Variants in UNC5D observed in about 807,000 individuals in gnomAD.
UNC5D encodes the protein netrin receptor UNC5D.
In UNC5D, 39 loss-of-function variants were observed where a neutral mutation model predicts 105.4. That is an observed-to-expected ratio of 0.37 (90% CI 0.29 to 0.48). UNC5D has a LOEUF of 0.48. Ranked by LOEUF, UNC5D falls within the 20% of genes least tolerant of loss-of-function variation. The pLI is 0.98. For missense variants in UNC5D, 991 were observed against 1,202.4 expected, an observed-to-expected ratio of 0.82 and a Z score of 2.60; for synonymous variants, 452 against 450.4, an observed-to-expected ratio of 1.00 and a Z score of -0.04.
intron 1 of UNC5D, among the ~76,000 whole-genome samples, chr8:35,430,387 C>T (rs996254083): frequency 3.3e-5 from 5 of 152,150 alleles, no homozygotes; most frequent in Non-Finnish European, 7.3e-5. Flanking sequence ...ATCTGTTTAT[C>T]TGTACCCTTT....
intron 1 of UNC5D, 29 bp from the exon 2 acceptor site, chr8:35,549,263 G>A: frequency 2.5e-6 from 4 of 1,609,352 alleles, no homozygotes; most frequent in Non-Finnish European, 3.4e-6. Flanking sequence ...AATGTAGGCT[G>A]TGTTCTGATG....
chr8:35,306,267 G>C (rs1482085898), intron 1 of UNC5D, among the ~76,000 whole-genome samples: 1 of 151,826 alleles, frequency 6.6e-6, no homozygotes, highest in Admixed American at 6.6e-5. Context: ...GCTTCAATAT[G>C]TTCTCACCTA....
chr8:35,621,745 A>G (rs1185305519), intron 4 of UNC5D, among the ~76,000 whole-genome samples: 1 of 152,162 alleles, frequency 6.6e-6, no homozygotes, highest in Admixed American at 6.5e-5. Context: ...CTCACCTCAG[A>G]GTAGAGAGCC....
intron 1 of UNC5D, among the ~76,000 whole-genome samples, chr8:35,376,400 G>C (rs191071083): frequency 6.6e-5 from 10 of 152,240 alleles, no homozygotes; most frequent in African/African-American, 2.4e-4. Context: ...TTTCTGAAAA[G>C]TCCCATGTGG....
chr8:35,403,790 T>A (rs1804628263), intron 1 of UNC5D, among the ~76,000 whole-genome samples: 2 of 152,198 alleles, frequency 1.3e-5, no homozygotes, highest in African/African-American at 4.8e-5. Context: ...AAAAGGGTCA[T>A]CGTCATTGTC....
intron 1 of UNC5D, among the ~76,000 whole-genome samples, chr8:35,241,985 A>G (rs1802835897): frequency 6.6e-6 from 1 of 152,174 alleles, no homozygotes; most frequent in African/African-American, 2.4e-5. Flanking sequence ...TTGATAGTTT[A>G]TTTTATAAAT....
intron 4 of UNC5D, among the ~76,000 whole-genome samples, chr8:35,667,530 C>A (rs2131260857): frequency 6.6e-6 from 1 of 152,234 alleles, no homozygotes; most frequent in African/African-American, 2.4e-5. Context: ...ACAAAGGGGC[C>A]AGGAAATGGA....
At chr8:35,329,247 A>T (rs905933465) in intron 1 of UNC5D, among the ~76,000 whole-genome samples, 5 of 152,010 alleles carry the variant, frequency 3.3e-5, no homozygotes, top group Non-Finnish European at 7.4e-5. Flanking sequence ...CCCAAGTCCT[A>T]TTTTTTACTG....
chr8:35,542,414 A>G (rs1270055323), intron 1 of UNC5D, among the ~76,000 whole-genome samples: 1 of 152,200 alleles, frequency 6.6e-6, no homozygotes, highest in Non-Finnish European at 1.5e-5. Flanking sequence ...ATTGCCGTGG[A>G]CCAATACACT....
intron 1 of UNC5D, among the ~76,000 whole-genome samples, chr8:35,293,368 A>G (rs1418732790): frequency 6.6e-6 from 1 of 152,232 alleles, no homozygotes; most frequent in East Asian, 1.9e-4. Flanking sequence ...GGTTTATAGC[A>G]TAAAAGAAGT....
chr8:35,701,762 A>ATTTTTACCT (rs1246595664), intron 7 of UNC5D, among the ~76,000 whole-genome samples: 5 of 151,958 alleles, frequency 3.3e-5, no homozygotes, highest in African/African-American at 1.2e-4. Flanking sequence ...AAAAATGATA[A>ATTTTTACCT]ATCACTGGCA....
At chr8:35,442,415 A>G (rs1029449707) in intron 1 of UNC5D, among the ~76,000 whole-genome samples, 2 of 151,934 alleles carry the variant, frequency 1.3e-5, no homozygotes, top group South Asian at 2.1e-4. Context: ...GACAAACACA[A>G]GAGTTACTCT....
At chr8:35,658,123 G>A (rs558199209) in intron 4 of UNC5D, among the ~76,000 whole-genome samples, 166 of 152,194 alleles carry the variant, frequency 1.1e-3, no homozygotes, top group Non-Finnish European at 1.9e-3. Context: ...GTTCCTCTTT[G>A]AGGTTGAAAC....
chr8:35,663,971 A>T (rs546741796), intron 4 of UNC5D, among the ~76,000 whole-genome samples: 2 of 152,332 alleles, frequency 1.3e-5, no homozygotes, highest in African/African-American at 4.8e-5. Flanking sequence ...ACCACCAGCC[A>T]GATGTTGAAC....
At chr8:35,399,735 G>T (rs970630101) in intron 1 of UNC5D, among the ~76,000 whole-genome samples, 3 of 152,162 alleles carry the variant, frequency 2.0e-5, no homozygotes, top group African/African-American at 7.2e-5. Flanking sequence ...AATTTTAATT[G>T]TGAAAACTGG....
At chr8:35,356,284 TTA>T in intron 1 of UNC5D, among the ~76,000 whole-genome samples, 1 of 152,306 alleles carries the variant, frequency 6.6e-6, no homozygotes, top group African/African-American at 2.4e-5. Context: ...CTTTAAACAC[TTA>T]TGAGCTTACT....
At chr8:35,488,975 G>A (rs1474100920) in intron 1 of UNC5D, among the ~76,000 whole-genome samples, 1 of 151,976 alleles carries the variant, frequency 6.6e-6, no homozygotes, top group Non-Finnish European at 1.5e-5. Context: ...GGCCGTATAA[G>A]GCAGAGTATT....
chr8:35,246,066 T>C (rs1231810204), intron 1 of UNC5D, among the ~76,000 whole-genome samples: 3 of 152,108 alleles, frequency 2.0e-5, no homozygotes, highest in Non-Finnish European at 4.4e-5. Flanking sequence ...ATTTAAGCAA[T>C]GTGGGGGGCT....
intron 1 of UNC5D, among the ~76,000 whole-genome samples, chr8:35,253,365 ACTTT>A (rs1342123757): frequency 6.7e-6 from 1 of 150,070 alleles, no homozygotes; most frequent in Non-Finnish European, 1.5e-5. Flanking sequence ...AGTCTTCCAT[ACTTT>A]CTTCTAAAGT....
Sources: gnomAD v4.1 joint callset for allele counts (sites outside exome capture counted in the v4.1 genomes callset) on GRCh38, gnomAD v4.1.1 for gene constraint, MANE v1.5 for transcripts, NCBI Gene and HGNC (gene_info 2026-07-23, HGNC 2026-07-21) for gene names.